Variants in NEDD4L observed in about 807,000 individuals in gnomAD.
NEDD4L encodes the protein NEDD4 like E3 ubiquitin protein ligase, also known as E3 ubiquitin-protein ligase NEDD4-like.
In NEDD4L, 54 loss-of-function variants were observed where a neutral mutation model predicts 148.9. The observed-to-expected ratio is 0.36, with a 90% confidence interval of 0.29 to 0.45. The LOEUF (loss-of-function observed/expected upper bound fraction) is 0.45. Ranked by LOEUF, NEDD4L falls within the 20% of genes least tolerant of loss-of-function variation. The pLI is 1.00. For missense variants in NEDD4L, 856 were observed against 1,233.8 expected (o/e 0.69, Z 4.59); for synonymous variants, 433 against 440.7 (o/e 0.98, Z 0.22).
rs2081484975 is a variant in NEDD4L at position 58,044,568 on chromosome 18, C to T, written c.-93C>T. The T allele has an allele frequency of 1.9e-5, 27 of 1,412,630 alleles. No homozygotes were observed. The South Asian group carries it at 2.9e-4, about 15-fold the overall frequency. 87.5% of individuals were successfully genotyped at this position (1,412,630 alleles called of 1,614,324 possible). On this transcript the variant is annotated 5_prime_UTR_variant, in exon 1 of 31. Coordinates refer to ENST00000400345, the MANE Select transcript of NEDD4L (RefSeq NM_001144967.3). ...GCGTGCGCAGGGTAGGGTGCGGGAC[C>T]GGGGGGACCTGGAGGCAGAGGGGAG...
chr18:58,213,103 AG>A (rs2042765841), intron 2 of NEDD4L, among the ~76,000 whole-genome samples: 2 of 152,144 alleles, frequency 1.3e-5, no homozygotes, highest in African/African-American at 4.8e-5. Flanking sequence ...AGAAGTGGCA[AG>A]TGGTATTATT....
intron 11 of NEDD4L, among the ~76,000 whole-genome samples, 158 bp downstream of exon 11, chr18:58,331,072 C>T (rs1248287365): frequency 2.0e-5 from 3 of 152,228 alleles, no homozygotes; most frequent in African/African-American, 7.2e-5. Flanking sequence ...AGAAGCAGGA[C>T]TGTACTAAAA....
intron 2 of NEDD4L, among the ~76,000 whole-genome samples, chr18:58,182,977 G>A (rs1327578504): frequency 6.6e-6 from 1 of 152,190 alleles, no homozygotes; most frequent in Non-Finnish European, 1.5e-5. Flanking sequence ...CTGGCCTGAG[G>A]AGGCTTCTTC....
chr18:58,078,434 C>G (rs1280140441), intron 1 of NEDD4L, among the ~76,000 whole-genome samples: 5 of 152,166 alleles, frequency 3.3e-5, no homozygotes, highest in African/African-American at 1.2e-4. Context: ...AGGCCCTGTC[C>G]TGCAGGGTGG....
At chr18:58,072,935 G>C (rs769140046) in intron 1 of NEDD4L, among the ~76,000 whole-genome samples, 1 of 151,008 alleles carries the variant, frequency 6.6e-6, no homozygotes, top group African/African-American at 2.4e-5. Context: ...GAGTTTACAA[G>C]CTTGTACATA....
At chr18:58,172,177 T>C (rs1340429210) in intron 2 of NEDD4L, among the ~76,000 whole-genome samples, 2 of 151,860 alleles carry the variant, frequency 1.3e-5, no homozygotes, top group African/African-American at 4.8e-5. Flanking sequence ...CATCCTTCCA[T>C]AGAGGAGAGG....
At chr18:58,263,038 A>G (rs2049669815) in intron 5 of NEDD4L, among the ~76,000 whole-genome samples, 1 of 152,224 alleles carries the variant, frequency 6.6e-6, no homozygotes, top group Non-Finnish European at 1.5e-5. Flanking sequence ...ATCTCTGTGA[A>G]GGGACAGGTC....
intron 5 of NEDD4L, among the ~76,000 whole-genome samples, chr18:58,287,294 C>G (rs2054068072): frequency 1.3e-5 from 2 of 152,118 alleles, no homozygotes; most frequent in Non-Finnish European, 2.9e-5. Context: ...TGCATACTTG[C>G]TTTACAGACG....
intron 2 of NEDD4L, among the ~76,000 whole-genome samples, chr18:58,209,411 T>C (rs1599735288): frequency 9.1e-5 from 1 of 11,014 alleles, no homozygotes. Flanking sequence ...CTCCTCCACC[T>C]CCCCCTCCTT....
In NEDD4L at chr18:58,341,582, T is replaced by C. The variant is rs4149610; in HGVS notation, c.1258-96T>C. ...CGCTTTAAATAGGCCAGACCTCTTA[T>C]TATTGCTGTTTGCGTTGTTGTTTGG... On this transcript the variant is annotated intron_variant, in intron 14 of 30. Coordinates refer to ENST00000400345, the MANE Select transcript of NEDD4L (RefSeq NM_001144967.3). 4,868 of 1,341,986 alleles carry C rather than the reference T, an allele frequency of 3.6e-3. 20 individuals are homozygous for C. Among genetic ancestry groups the C allele is most frequent in the Non-Finnish European group, 4.1e-3 (4,016 of 974,946 alleles). The allele number at this position is 1,341,986 out of a possible 1,614,324, so 83.1% of individuals were successfully genotyped here. A position where few individuals can be genotyped will look rare whatever the true frequency, so the allele number is the denominator to read the frequency against.
chr18:58,047,802 TTTTA>T (rs1568137990), intron 1 of NEDD4L, among the ~76,000 whole-genome samples: 1 of 152,188 alleles, frequency 6.6e-6, no homozygotes, highest in Non-Finnish European at 1.5e-5. Context: ...GGATTTCTTG[TTTTA>T]TTTCTTTATT....
At chr18:58,185,653 C>A (rs1221389816) in intron 2 of NEDD4L, among the ~76,000 whole-genome samples, 2 of 152,188 alleles carry the variant, frequency 1.3e-5, no homozygotes, top group African/African-American at 2.4e-5. Flanking sequence ...GCGGGTGGAT[C>A]ACCTGAGGTC....
At chr18:58,363,876 G>A (rs914497656) in intron 19 of NEDD4L, among the ~76,000 whole-genome samples, 13 of 152,174 alleles carry the variant, frequency 8.5e-5, no homozygotes, top group African/African-American at 2.7e-4. Context: ...AAATGCCAAC[G>A]TAGGTCATTC....
At chr18:58,320,722 G>A (rs546024435) in intron 6 of NEDD4L, among the ~76,000 whole-genome samples, 2 of 152,250 alleles carry the variant, frequency 1.3e-5, no homozygotes, top group African/African-American at 4.8e-5. Context: ...GGCTGAGGTG[G>A]GAGGATCACT....
intron 19 of NEDD4L, 29 bp downstream of exon 19, chr18:58,357,281 G>C (rs2044800888): frequency 6.3e-7 from 1 of 1,597,042 alleles, no homozygotes. Context: ...TGCCTCTTCA[G>C]TATAAGATTT....
At chr18:58,234,667 C>T (rs1261399054) in intron 2 of NEDD4L, among the ~76,000 whole-genome samples, 1 of 152,072 alleles carries the variant, frequency 6.6e-6, no homozygotes, top group Non-Finnish European at 1.5e-5. Context: ...TCTGTGAAAA[C>T]CCTGTTTCCA....
chr18:58,368,587 T>C (rs1192888001), intron 22 of NEDD4L, among the ~76,000 whole-genome samples: 2 of 152,226 alleles, frequency 1.3e-5, no homozygotes, highest in East Asian at 1.9e-4. Flanking sequence ...GGATTTGAGA[T>C]TGACATTGCA....
At chr18:58,147,200 G>A (rs777099368) in intron 1 of NEDD4L, among the ~76,000 whole-genome samples, 1 of 152,182 alleles carries the variant, frequency 6.6e-6, no homozygotes, top group Non-Finnish European at 1.5e-5. Flanking sequence ...TGAGAGTGCG[G>A]TTGAGCTGGT....
At chr18:58,283,813 A>T (rs141498489) in intron 5 of NEDD4L, among the ~76,000 whole-genome samples, 24 of 152,362 alleles carry the variant, frequency 1.6e-4, no homozygotes, top group African/African-American at 5.5e-4. Flanking sequence ...CTTATTTGAA[A>T]ATAGGGTCTT....
Sources: allele counts gnomAD v4.1 joint callset (sites outside exome capture counted in the v4.1 genomes callset), GRCh38; gene constraint gnomAD v4.1.1; transcripts MANE v1.5; gene names NCBI Gene and HGNC (gene_info 2026-07-23, HGNC 2026-07-21).